POMT2: variants seen among roughly 807,000 people sequenced by gnomAD.
POMT2 encodes the protein protein O-mannosyl-transferase 2.
Under a neutral mutation model 100.0 loss-of-function variants are expected in POMT2, and 75 were observed. The observed-to-expected ratio is 0.75, with a 90% CI of 0.62 to 0.91. The LOEUF (loss-of-function observed/expected upper bound fraction) is 0.91, where lower values mean the gene tolerates loss of function less well. Among genes scored for constraint, POMT2 ranks in the 40% least tolerant of loss-of-function variants. POMT2 has a pLI of 0.00. For missense variants in POMT2, 940 were observed against 955.1 expected (o/e 0.98, Z 0.21); for synonymous variants, 378 against 374.1 (o/e 1.01, Z -0.12).
chr14:77,282,953 C>A (rs1199880772), intron 15 of POMT2, among the ~76,000 whole-genome samples: 1 of 152,106 alleles, frequency 6.6e-6, no homozygotes, highest in African/African-American at 2.4e-5. Context: ...TTTCCATAAG[C>A]CAGAATAAGG....
chr14:77,280,355 T>C, intron 16 of POMT2, 37 bp downstream of exon 16: 1 of 1,613,276 alleles, frequency 6.2e-7, no homozygotes, highest in Non-Finnish European at 8.5e-7. Context: ...TGTTCTTGGC[T>C]CCATTTCCTG....
chr14:77,314,402 C>T (rs1891551980), intron 1 of POMT2, among the ~76,000 whole-genome samples: 1 of 152,178 alleles, frequency 6.6e-6, no homozygotes, highest in African/African-American at 2.4e-5. Context: ...GAAATAAAGT[C>T]CTCTGTCTCT....
chr14:77,310,981 A>G (rs1017840218), intron 2 of POMT2, among the ~76,000 whole-genome samples: 3 of 152,194 alleles, frequency 2.0e-5, no homozygotes, highest in Admixed American at 2.0e-4. Flanking sequence ...TGAAAATACA[A>G]AAATTAGCCA....
chr14:77,302,992 C>T, intron 4 of POMT2, 49 bp from the exon 5 acceptor site: 2 of 1,409,616 alleles, frequency 1.4e-6, no homozygotes, highest in Non-Finnish European at 9.9e-7. Context: ...GAGAAGGGCC[C>T]CCTGAAAACC....
At chr14:77,289,973 C>T (rs1890580289) in intron 10 of POMT2, among the ~76,000 whole-genome samples, 1 of 152,178 alleles carries the variant, frequency 6.6e-6, no homozygotes, top group Non-Finnish European at 1.5e-5. Context: ...TCAGAGAACT[C>T]AACCGCAGAG....
rs528028427 is a variant in POMT2, at chr14:77,291,895, T to C, written c.1117-515A>G. On this transcript the variant is annotated intron_variant, in intron 9 of 20. Coordinates refer to ENST00000261534, the MANE Select transcript of POMT2 (RefSeq NM_013382.7). The stretch of plus-strand genomic sequence containing the variant: ...TAAAAATACAAAAATTAGCCGGGCA[T>C]GGTACGCGCCTGTAATCCCAACTAC... Among the ~76,000 whole-genome samples, 21 of 152,222 alleles carry C rather than the reference T, an allele frequency of 1.4e-4. No individual in the cohort carries two copies. The East Asian group carries it at 4.1e-3, about 29-fold the overall frequency.
chr14:77,284,454 G>A (rs565777424), intron 14 of POMT2: 1 of 207,024 alleles, frequency 4.8e-6, no homozygotes, highest in South Asian at 8.7e-5. Flanking sequence ...GAAAACAGAT[G>A]ATGAATCCAA....
chr14:77,296,247 C>G lies in POMT2; in HGVS notation c.1033G>C (p.Val345Leu), dbSNP rs779053591. Reference protein sequence around the residue: ...EHLAYGSVITVKNLRMAIGYL... With the variant: ...EHLAYGSVITLKNLRMAIGYL... ...CCGATGGCCATCCGGAGGTTCTTCA[C>G]AGTGATCACAGAGCCGTAGGCCAGG... The change falls in exon 9 of 21, where the codon GTG (valine) becomes CTG (leucine). Residue 345 changes from valine to leucine, a missense_variant. Physicochemically the swap from Val to Leu is conservative, Grantham distance 32. Coordinates refer to ENST00000261534, the MANE Select transcript of POMT2 (RefSeq NM_013382.7). 3.7e-6 allele frequency: 6 copies of G among 1,606,234 alleles called. No homozygotes were observed. Among genetic ancestry groups the G allele is most frequent in the Non-Finnish European group, 5.1e-6 (6 of 1,177,016 alleles).
At chr14:77,285,771 C>T in intron 12 of POMT2, 139 bp from the exon 13 acceptor site, 1 of 1,026,682 alleles carries the variant, frequency 9.7e-7, no homozygotes, top group Non-Finnish European at 1.5e-6. Flanking sequence ...TAGAGATGGG[C>T]AAGGTTACAA....
At chr14:77,307,732 G>T (rs1391405051) in intron 2 of POMT2, among the ~76,000 whole-genome samples, 1 of 152,058 alleles carries the variant, frequency 6.6e-6, no homozygotes, top group Admixed American at 6.6e-5. Context: ...TTCCTCACAG[G>T]GGGCATGAGG....
intron 5 of POMT2, among the ~76,000 whole-genome samples, chr14:77,302,420 C>T (rs1173146060): frequency 6.6e-6 from 1 of 152,120 alleles, no homozygotes. Context: ...TACCCTGGTG[C>T]CCTCCCTTCT....
At chr14:77,278,229 G>A in intron 20 of POMT2, 165 bp downstream of exon 20, 3 of 664,906 alleles carry the variant, frequency 4.5e-6, no homozygotes, top group East Asian at 5.5e-5. Flanking sequence ...AGGATCACCT[G>A]GGGGACTCTG....
chr14:77,292,812 C>T (rs1890683930), intron 9 of POMT2, among the ~76,000 whole-genome samples: 1 of 152,178 alleles, frequency 6.6e-6, no homozygotes, highest in African/African-American at 2.4e-5. Flanking sequence ...GTATTCAGTA[C>T]AGTAACATGC....
At position 77,301,162 on chromosome 14, in the gene POMT2, A is replaced by G; in HGVS notation, c.744T>C (p.Phe248=). 6.2e-7 allele frequency: 1 copy of G among 1,614,282 alleles called. No homozygotes were observed. Among genetic ancestry groups the G allele is most frequent in the South Asian group, 1.1e-5 (1 of 91,088 alleles). Reference sequence around the variant, plus strand: ...TGTTCAGCCCCACTTGAAGGATGATAAAGAGGCCAACAAACTTGACCCCTA... The same window carrying G: ...TGTTCAGCCCCACTTGAAGGATGATGAAGAGGCCAACAAACTTGACCCCTA... The part of the protein sequence containing the change: ...GALGVKFVGL[F]IILQVGLNTI... Residue 248 remains phenylalanine, a synonymous_variant, in exon 6 of 21, where the codon TTT becomes TTC. Coordinates refer to ENST00000261534, the MANE Select transcript of POMT2 (RefSeq NM_013382.7).
Position 77,283,852 on chromosome 14 carries a change from A to T in POMT2, c.1598T>A (p.Val533Glu), listed in dbSNP as rs1291437382. The change falls in exon 15 of 21, where the codon GTG becomes GAG. Residue 533 changes from valine (V) to glutamate (E), a missense_variant. By Grantham distance (121) the Val-to-Glu change is moderately radical. Transcript: ENST00000261534. ...NPKLPNISLD[V>E]LQPSFPEILL... Reference sequence around the variant, plus strand: ...GATCTCAGGAAAACTGGGCTGTAGCACATCCAGGCTGATGTTTGGCACTAG... The same window carrying T: ...GATCTCAGGAAAACTGGGCTGTAGCTCATCCAGGCTGATGTTTGGCACTAG... 6.2e-7 allele frequency: 1 copy of T among 1,612,988 alleles called. No homozygotes were observed. Among genetic ancestry groups the T allele is most frequent in the East Asian group, 2.2e-5 (1 of 44,870 alleles).
At chr14:77,283,973 C>T in intron 14 of POMT2, 100 bp from the exon 15 acceptor site, 5 of 1,021,276 alleles carry the variant, frequency 4.9e-6, no homozygotes, top group South Asian at 1.3e-5. Context: ...TGCAGCCTTG[C>T]TGACAAGTTC....
At chr14:77,317,134 GCCA>G (rs1891662737) in intron 1 of POMT2, among the ~76,000 whole-genome samples, 1 of 152,232 alleles carries the variant, frequency 6.6e-6, no homozygotes, top group Admixed American at 6.5e-5. Context: ...TGAGGCAGAA[GCCA>G]CCACTGCGTG....
intron 6 of POMT2, chr14:77,299,813 G>A (rs954299477): frequency 2.2e-6 from 1 of 449,582 alleles, no homozygotes; most frequent in South Asian, 2.0e-5. Context: ...GGATGTTACT[G>A]TGCCAAGGAC....
chr14:77,284,596 G>A (rs145249401), intron 14 of POMT2, among the ~76,000 whole-genome samples: 156 of 152,162 alleles, frequency 1.0e-3, no homozygotes, highest in African/African-American at 3.5e-3. Context: ...GTGGGGGGGC[G>A]GGGGAGCGAC....
Sources: allele counts gnomAD v4.1 joint callset (sites outside exome capture counted in the v4.1 genomes callset), GRCh38; gene constraint gnomAD v4.1.1; transcripts MANE v1.5; gene names NCBI Gene and HGNC (gene_info 2026-07-23, HGNC 2026-07-21).